ARB2A: variants seen among roughly 807,000 people sequenced by gnomAD.
ARB2A encodes the protein ARB2 cotranscriptional regulator A, also known as cotranscriptional regulator ARB2A.
At chr5:93,658,239 G>T in the ARB2A span, among the ~76,000 whole-genome samples, 1 of 152,180 alleles carries the variant, frequency 6.6e-6, no homozygotes, top group South Asian at 2.1e-4. Flanking sequence ...CAAAAATGTG[G>T]TTAAGACAAT....
chr5:93,924,172 A>T, the ARB2A span, among the ~76,000 whole-genome samples: 45 of 152,192 alleles, frequency 3.0e-4, no homozygotes, highest in Non-Finnish European at 8.8e-5. Context: ...ATGAAAAATT[A>T]ACATGCTTTC....
At chr5:93,801,810 C>T in the ARB2A span, among the ~76,000 whole-genome samples, 2 of 152,202 alleles carry the variant, frequency 1.3e-5, no homozygotes, top group African/African-American at 4.8e-5. Context: ...ACTGTGAAGA[C>T]ATCTAATAGG....
At chr5:93,953,532 G>C in the ARB2A span, among the ~76,000 whole-genome samples, 4 of 152,072 alleles carry the variant, frequency 2.6e-5, no homozygotes, top group African/African-American at 7.2e-5. Flanking sequence ...AGCTGCCTGA[G>C]CTGGGGGAAG....
chr5:93,860,449 G>A, the ARB2A span, among the ~76,000 whole-genome samples: 2 of 148,956 alleles, frequency 1.3e-5, no homozygotes. Flanking sequence ...GCAAATTCCA[G>A]AAGTAAAAAA....
chr5:94,059,755 A>C, the ARB2A span, among the ~76,000 whole-genome samples: 2 of 151,990 alleles, frequency 1.3e-5, no homozygotes, highest in Non-Finnish European at 2.9e-5. Flanking sequence ...TAAAAAAAAA[A>C]AGTCCATCAA....
At chr5:93,636,860 A>G in the ARB2A span, among the ~76,000 whole-genome samples, 3 of 152,244 alleles carry the variant, frequency 2.0e-5, no homozygotes, top group African/African-American at 7.2e-5. Context: ...TGTATTTATG[A>G]TTACACTTTT....
At chr5:94,065,916 G>A in the ARB2A span, among the ~76,000 whole-genome samples, 1 of 152,118 alleles carries the variant, frequency 6.6e-6, no homozygotes, top group East Asian at 1.9e-4. Context: ...AAGAGCTGCA[G>A]AGTATACATT....
At chr5:93,905,546 A>G in the ARB2A span, among the ~76,000 whole-genome samples, 1 of 151,656 alleles carries the variant, frequency 6.6e-6, no homozygotes, top group Non-Finnish European at 1.5e-5. Flanking sequence ...TAATTTTAAA[A>G]TAAGCCTAAT....
At chr5:93,954,318 G>A in the ARB2A span, among the ~76,000 whole-genome samples, 3 of 151,874 alleles carry the variant, frequency 2.0e-5, no homozygotes, top group Non-Finnish European at 4.4e-5. Context: ...TAGGGCCCAT[G>A]GGCTCTTTAG....
the ARB2A span, among the ~76,000 whole-genome samples, chr5:93,632,319 G>A: frequency 6.6e-6 from 1 of 152,196 alleles, no homozygotes; most frequent in African/African-American, 2.4e-5. Context: ...GGAGCCAGGT[G>A]AAAGTCTGTG....
the ARB2A span, among the ~76,000 whole-genome samples, chr5:93,718,168 G>A: frequency 1.1e-4 from 16 of 151,996 alleles, no homozygotes; most frequent in Admixed American, 6.6e-4. Flanking sequence ...TCGGCTGGGC[G>A]CGGTGGCTCA....
At chr5:93,674,736 G>A in the ARB2A span, among the ~76,000 whole-genome samples, 1 of 152,158 alleles carries the variant, frequency 6.6e-6, no homozygotes, top group Non-Finnish European at 1.5e-5. Flanking sequence ...AAGACATAAA[G>A]CATTATGCTT....
At chr5:93,710,557 T>C in the ARB2A span, among the ~76,000 whole-genome samples, 1 of 152,116 alleles carries the variant, frequency 6.6e-6, no homozygotes, top group Non-Finnish European at 1.5e-5. Flanking sequence ...ATTAGAAAAA[T>C]TGATTGTTAT....
the ARB2A span, among the ~76,000 whole-genome samples, chr5:93,809,110 T>C: frequency 1.3e-5 from 2 of 152,074 alleles, no homozygotes; most frequent in Non-Finnish European, 2.9e-5. Context: ...TATTGGTGTA[T>C]GGGATATTCC....
At chr5:94,010,304 G>A in the ARB2A span, among the ~76,000 whole-genome samples, 2 of 151,972 alleles carry the variant, frequency 1.3e-5, no homozygotes, top group African/African-American at 2.4e-5. Context: ...CTCTTCGAAT[G>A]ATGGATAATT....
the ARB2A span, among the ~76,000 whole-genome samples, chr5:94,078,586 C>T: frequency 6.6e-6 from 1 of 152,072 alleles, no homozygotes; most frequent in Non-Finnish European, 1.5e-5. Context: ...GTAATAAGGG[C>T]CCCTGGTGCG....
the ARB2A span, among the ~76,000 whole-genome samples, chr5:93,784,679 A>G: frequency 6.6e-6 from 1 of 152,136 alleles, no homozygotes; most frequent in South Asian, 2.1e-4. Context: ...AGAGATGTGA[A>G]AAGACCTAAT....
At chr5:93,955,781 A>G in the ARB2A span, among the ~76,000 whole-genome samples, 1 of 152,210 alleles carries the variant, frequency 6.6e-6, no homozygotes, top group African/African-American at 2.4e-5. Flanking sequence ...CCACATTGCT[A>G]TGGAAGCTGG....
the ARB2A span, chr5:93,739,978 A>G: frequency 6.6e-6 from 1 of 151,000 alleles, no homozygotes; most frequent in East Asian, 1.9e-4. Context: ...GGGGCACCAG[A>G]AATGAAAAGG....
Sources: gnomAD v4.1 joint callset for allele counts (sites outside exome capture counted in the v4.1 genomes callset) on GRCh38, gnomAD v4.1.1 for gene constraint, MANE v1.5 for transcripts, NCBI Gene and HGNC (gene_info 2026-07-23, HGNC 2026-07-21) for gene names.